ZNF724: variants seen among roughly 807,000 people sequenced by gnomAD.
The protein encoded by ZNF724 is zinc finger protein 724, also known as zinc finger protein 724 pseudogene.
A neutral mutation model predicts 29.3 loss-of-function variants in ZNF724; 14 were observed. That is an observed-to-expected ratio of 0.48 (90% CI 0.32 to 0.75). ZNF724 has a LOEUF of 0.75. ZNF724 is among the 30% of genes least tolerant of loss of function. ZNF724 has a pLI of 0.04. For synonymous variants in ZNF724, 180 were observed against 193.6 expected, an observed-to-expected ratio of 0.93 and a Z score of 0.58; for missense variants, 557 against 571.2, an observed-to-expected ratio of 0.98 and a Z score of 0.25.
At chr19:23,228,924 C>G (rs188695413) in intron 3 of ZNF724, among the ~76,000 whole-genome samples, 1 of 150,862 alleles carries the variant, frequency 6.6e-6, no homozygotes, top group Non-Finnish European at 1.5e-5. Flanking sequence ...ATTTTCCGGG[C>G]ATGGTGGCGC....
intron 1 of ZNF724, among the ~76,000 whole-genome samples, chr19:23,248,507 G>A (rs1360934383): frequency 6.6e-6 from 1 of 151,620 alleles, no homozygotes; most frequent in African/African-American, 2.4e-5. Context: ...AAATAGTTAA[G>A]TGCCAGGCAA....
chr19:23,232,822 C>T (rs1971960515), intron 1 of ZNF724, among the ~76,000 whole-genome samples: 2 of 151,294 alleles, frequency 1.3e-5, no homozygotes, highest in Admixed American at 1.3e-4. Context: ...CTGTTTTTCC[C>T]CCCAGTTTTT....
chr19:23,242,541 C>T (rs1193899564), intron 1 of ZNF724: 3 of 150,398 alleles, frequency 2.0e-5, no homozygotes, highest in Non-Finnish European at 2.9e-5. Context: ...TGGTGAAACC[C>T]CCTCTCTACT....
rs1346733111 is a variant in ZNF724, at chr19:23,223,068, G to GT, written c.1176dup (p.Pro393ThrfsTer5). The GT allele has an allele frequency of 7.8e-7, 1 of 1,285,052 alleles. No homozygotes were observed. The highest frequency in any genetic ancestry group is 2.3e-5 in the East Asian group (1 of 43,352). The allele number at this position is 1,285,052 out of a possible 1,614,324, so 79.6% of individuals were successfully genotyped here. ...TTGCCACATTCTTCACATTTGTATG[G>GT]TTTTTCTCCAGTATGAATTCTCTTA... is the stretch of plus-strand genomic sequence containing the variant. On this transcript the variant is annotated frameshift_variant, in exon 4 of 4. Coordinates refer to ENST00000418100, the MANE Select transcript of ZNF724 (RefSeq NM_001355404.2). LOFTEE classifies it high-confidence loss of function.
Position 23,222,948 on chromosome 19 carries a change from G to T in ZNF724, c.1297C>A (p.Gln433Lys). The change falls in exon 4 of 4, where the codon CAG (glutamine) becomes AAG (lysine). Residue 433 changes from glutamine (Q) to lysine (K), a missense_variant. Gln to Lys is a moderately conservative substitution (Grantham distance 53, BLOSUM62 1). Transcript: ENST00000418100. ...TTATGTGTAGTAAGTTGTGAGAACT[G>T]GTTAAAGGCTTTGCCACATTCTTCA... is the stretch of plus-strand genomic sequence containing the variant. Reference protein sequence around the residue: ...KCEECGKAFNQFSQLTTHKII... With the variant: ...KCEECGKAFNKFSQLTTHKII... 1 of 1,377,308 alleles carries T rather than the reference G, an allele frequency of 7.3e-7. No individual in the cohort carries two copies. Among genetic ancestry groups the T allele is most frequent in the African/African-American group, 1.4e-5 (1 of 70,096 alleles). The allele number at this position is 1,377,308 out of a possible 1,614,324, so 85.3% of individuals were successfully genotyped here.
At chr19:23,248,703 AAG>A (rs1353612210) in intron 1 of ZNF724, among the ~76,000 whole-genome samples, 1 of 152,080 alleles carries the variant, frequency 6.6e-6, no homozygotes, top group Non-Finnish European at 1.5e-5. Flanking sequence ...GGTGGAAAAT[AAG>A]AAACTGAGGC....
Position 23,223,697 on chromosome 19 carries a change from G to C in ZNF724, c.548C>G (p.Ser183Ter), listed in dbSNP as rs1407221836. ...AATTCTTTTATGTTGAGTTAGGTGTGAAAGAACACAAAATGACTTGCCACA... is the reference window on the plus strand; with the variant it reads ...AATTCTTTTATGTTGAGTTAGGTGTCAAAGAACACAAAATGACTTGCCACA... Reference protein sequence around the residue: ...KECGKSFCVLSHLTQHKRIHT... With the variant: ...KECGKSFCVL The change falls in exon 4 of 4, where the codon TCA becomes TGA. Residue 183 changes from serine (S) to a stop codon, truncating the protein, a stop_gained. Transcript: ENST00000418100. LOFTEE classifies it low-confidence loss of function (END_TRUNC). 1 of 717,714 alleles carries C rather than the reference G, an allele frequency of 1.4e-6. No homozygotes were observed. The highest frequency in any genetic ancestry group is 2.6e-6 in the Non-Finnish European group (1 of 386,698). The allele number at this position is 717,714 out of a possible 1,614,324, so 44.5% of individuals were successfully genotyped here. A position where few individuals can be genotyped will look rare whatever the true frequency, so the allele number is the denominator to read the frequency against.
At chr19:23,225,645 A>G (rs1381832319) in intron 3 of ZNF724, among the ~76,000 whole-genome samples, 1 of 152,096 alleles carries the variant, frequency 6.6e-6, no homozygotes, top group African/African-American at 2.4e-5. Flanking sequence ...GTAAAATTCT[A>G]AGATAAACTT....
intron 3 of ZNF724, among the ~76,000 whole-genome samples, chr19:23,227,611 A>AAATAAATAT (rs1410539641): frequency 6.6e-6 from 1 of 151,508 alleles, no homozygotes; most frequent in Admixed American, 6.6e-5. Flanking sequence ...AATTAAAAAG[A>AAATAAATAT]AATAAATATA....
Position 23,223,332 on chromosome 19 carries a change from C to T in ZNF724, c.913G>A (p.Ala305Thr). The change falls in exon 4 of 4, where the codon GCT (alanine) becomes ACT (threonine). Residue 305 changes from alanine (A) to threonine (T), a missense_variant. By Grantham distance (58) the Ala-to-Thr change is moderately conservative. This residue lies in a region of ZNF724 where 362 missense variants were observed against 295.5 expected (regional missense o/e 1.22). Transcript: ENST00000418100. Reference protein sequence around the residue: ...STLTRHKIIHAGEKPYICEHC... With the variant: ...STLTRHKIIHTGEKPYICEHC... Reference sequence around the variant, plus strand: ...TCACATATGTAGGGCTTCTCTCCAGCATGAATTATCTTATGTCTAGTAAGG... The same window carrying T: ...TCACATATGTAGGGCTTCTCTCCAGTATGAATTATCTTATGTCTAGTAAGG... The T allele has an allele frequency of 1.3e-6, 1 of 767,780 alleles. No homozygotes were observed. Among genetic ancestry groups the T allele is most frequent in the Non-Finnish European group, 2.4e-6 (1 of 413,622 alleles). The allele number at this position is 767,780 out of a possible 1,614,324, so 47.6% of individuals were successfully genotyped here. A position where few individuals can be genotyped will look rare whatever the true frequency, so the allele number is the denominator to read the frequency against.
At chr19:23,236,479 C>T (rs1385858635) in intron 1 of ZNF724, 1 of 153,336 alleles carries the variant, frequency 6.5e-6, no homozygotes, top group African/African-American at 2.4e-5. Flanking sequence ...GACAGCCCAA[C>T]TCATTCATGA....
At position 23,223,276 on chromosome 19, in the gene ZNF724, C is replaced by T. The variant is rs779846608; in HGVS notation, c.969G>A (p.Ser323=). ...GAATTCTCTTATGTTTAGTAAGGTT[C>T]GAGGATTGGTTAAAAGCTCTGCCAC... ...EHCGRAFNQS[S]NLTKHKRIHT... Residue 323 remains serine, a synonymous_variant, in exon 4 of 4, where the codon TCG becomes TCA. Coordinates refer to ENST00000418100, the MANE Select transcript of ZNF724 (RefSeq NM_001355404.2). The T allele has an allele frequency of 9.8e-6, 8 of 813,278 alleles. No homozygotes were observed. The highest frequency in any genetic ancestry group is 2.7e-5 in the South Asian group (2 of 73,874). 50.4% of individuals were successfully genotyped at this position (813,278 alleles called of 1,614,324 possible).
chr19:23,225,769 GTGTT>G (rs955262028), intron 3 of ZNF724, among the ~76,000 whole-genome samples: 1 of 152,128 alleles, frequency 6.6e-6, no homozygotes, highest in Admixed American at 6.6e-5. Context: ...AAGTAGAAGA[GTGTT>G]TGTCAAGGGC....
At chr19:23,248,650 CAATT>C (rs1972287557) in intron 1 of ZNF724, among the ~76,000 whole-genome samples, 1 of 150,476 alleles carries the variant, frequency 6.6e-6, no homozygotes. Flanking sequence ...TATAAACTGT[CAATT>C]AAGCTCCAAT....
At chr19:23,234,679 T>C (rs1442268568) in intron 1 of ZNF724, among the ~76,000 whole-genome samples, 1 of 152,204 alleles carries the variant, frequency 6.6e-6, no homozygotes, top group Non-Finnish European at 1.5e-5. Flanking sequence ...CTGGAACTCC[T>C]GACATCAGGT....
intron 1 of ZNF724, among the ~76,000 whole-genome samples, chr19:23,237,352 A>G (rs1465521924): frequency 6.6e-6 from 1 of 152,148 alleles, no homozygotes; most frequent in Non-Finnish European, 1.5e-5. Flanking sequence ...ACCTATATCT[A>G]TTGGGTAAAT....
chr19:23,226,863 G>T (rs564771220), intron 3 of ZNF724, among the ~76,000 whole-genome samples: 1 of 152,092 alleles, frequency 6.6e-6, no homozygotes, highest in Non-Finnish European at 1.5e-5. Flanking sequence ...AAAGTGTACA[G>T]AGTTACAAAT....
chr19:23,228,043 C>T (rs940583841), intron 3 of ZNF724, among the ~76,000 whole-genome samples: 1 of 152,120 alleles, frequency 6.6e-6, no homozygotes, highest in Non-Finnish European at 1.5e-5. Flanking sequence ...ATGTCTCACA[C>T]CTGTAATGAC....
chr19:23,241,661 C>G (rs948422852), intron 1 of ZNF724, among the ~76,000 whole-genome samples: 4 of 152,144 alleles, frequency 2.6e-5, no homozygotes, highest in African/African-American at 9.7e-5. Flanking sequence ...TCAATAGATG[C>G]AGAAAAAACT....
Sources: gnomAD v4.1 joint callset for allele counts (sites outside exome capture counted in the v4.1 genomes callset) on GRCh38, gnomAD v4.1.1 for gene constraint, gnomAD v4.1.1 regional missense constraint, MANE v1.5 for transcripts, NCBI Gene and HGNC (gene_info 2026-07-23, HGNC 2026-07-21) for gene names.